Variants in EPB41 observed in about 807,000 individuals in gnomAD.
EPB41 encodes the protein protein 4.1.
Under a neutral mutation model 108.0 loss-of-function variants are expected in EPB41, and 65 were observed. The ratio of observed to expected loss-of-function variants is 0.60; its 90% CI spans 0.49 to 0.74. The LOEUF is 0.74. Ranked by LOEUF, EPB41 falls within the 30% of genes least tolerant of loss-of-function variation. EPB41 has a pLI of 0.00. For synonymous variants in EPB41, 336 were observed against 358.9 expected (o/e 0.94, Z 0.72); for missense variants, 875 against 1,037.0 (o/e 0.84, Z 2.15).
rs770712506 is a variant in EPB41 at position 29,015,719 on chromosome 1, T to G, written c.857T>G (p.Val286Gly). The change falls in exon 6 of 21, where the codon GTA becomes GGA. Residue 286 changes from valine (V) to glycine (G), a missense_variant. Coordinates refer to ENST00000343067, the MANE Select transcript of EPB41 (RefSeq NM_001376013.1). ...GTCCCTTGGAATTTTACATTTAATG[T>G]AAAGTTTTATCCACCTGACCCAGCA... Reference protein sequence around the residue: ...RGVPWNFTFNVKFYPPDPAQL... With the variant: ...RGVPWNFTFNGKFYPPDPAQL... The G allele has an allele frequency of 6.2e-7, 1 of 1,609,722 alleles. No individual in the cohort carries two copies. The highest frequency in any genetic ancestry group is 1.3e-5 in the African/African-American group (1 of 74,856).
At chr1:29,011,793 G>C (rs2096506123) in intron 4 of EPB41, 72 bp from the exon 5 acceptor site, 1 of 1,526,074 alleles carries the variant, frequency 6.6e-7, no homozygotes, top group South Asian at 1.2e-5. Flanking sequence ...GATAGTCAGT[G>C]ATCTTGCTTC....
chr1:29,099,593 G>T (rs1664557396), intron 17 of EPB41, among the ~76,000 whole-genome samples: 1 of 152,116 alleles, frequency 6.6e-6, no homozygotes, highest in African/African-American at 2.4e-5. Context: ...GTGCCACTAT[G>T]CCCTGCTAAA....
chr1:29,114,503 C>T (rs186904655), intron 19 of EPB41, among the ~76,000 whole-genome samples: 60 of 152,150 alleles, frequency 3.9e-4, no homozygotes, highest in Admixed American at 1.4e-3. Flanking sequence ...ATTAGCCAGA[C>T]GTGGTCACGG....
chr1:29,104,179 T>G (rs1391416152), intron 17 of EPB41, among the ~76,000 whole-genome samples: 1 of 152,236 alleles, frequency 6.6e-6, no homozygotes, highest in Non-Finnish European at 1.5e-5. Context: ...AATGAATTAA[T>G]GCACATAAAT....
At chr1:28,965,780 C>T (rs1378244340) in intron 1 of EPB41, among the ~76,000 whole-genome samples, 3 of 152,158 alleles carry the variant, frequency 2.0e-5, no homozygotes, top group African/African-American at 7.2e-5. Flanking sequence ...TTAGAGACTA[C>T]ACTAGAAAGG....
intron 17 of EPB41, among the ~76,000 whole-genome samples, chr1:29,100,053 GAGAT>G (rs1389997461): frequency 6.6e-6 from 1 of 152,176 alleles, no homozygotes; most frequent in African/African-American, 2.4e-5. Flanking sequence ...TGATGGGAAA[GAGAT>G]AGCCATGTGA....
chr1:28,987,435 A>T lies in EPB41; in HGVS notation c.-3A>T, dbSNP rs747028341. On this transcript the variant is annotated 5_prime_UTR_variant, in exon 2 of 21. Coordinates refer to ENST00000343067, the MANE Select transcript of EPB41 (RefSeq NM_001376013.1). ...TTTCTATCTTCTTTTTAATAGCAAC[A>T]TCATGACAACAGAGAAGAGTTTAGT... is the stretch of plus-strand genomic sequence containing the variant. 3 of 1,614,072 alleles carry T rather than the reference A, an allele frequency of 1.9e-6. No individual in the cohort carries two copies. The highest frequency in any genetic ancestry group is 1.7e-5 in the Admixed American group (1 of 60,028).
rs570939878 is a variant in EPB41, at chr1:29,081,440, C to T, written c.2184+16282C>T. ...AGAGCTTGTTCCTGTAATGTGAAAT[C>T]GACAGAAGGTATATCACTTTATCTC... is the stretch of plus-strand genomic sequence containing the variant. On this transcript the variant is annotated intron_variant, in intron 16 of 20. Coordinates refer to ENST00000343067, the MANE Select transcript of EPB41 (RefSeq NM_001376013.1). Among the ~76,000 whole-genome samples, 5 of 152,156 alleles carry T rather than the reference C, an allele frequency of 3.3e-5. No homozygotes were observed. In the South Asian group the frequency reaches 6.2e-4, roughly 19 times the overall value.
intron 1 of EPB41, among the ~76,000 whole-genome samples, chr1:28,984,873 G>A (rs1282444937): frequency 6.6e-6 from 1 of 152,044 alleles, no homozygotes; most frequent in African/African-American, 2.4e-5. Flanking sequence ...TGCCCAAGCT[G>A]GTCTTGAACT....
At chr1:28,986,076 C>T (rs7554667) in intron 1 of EPB41, among the ~76,000 whole-genome samples, 18,137 of 144,966 alleles carry the variant, frequency 0.13, 1,529 homozygotes, top group African/African-American at 0.25. Flanking sequence ...TGAGAATATG[C>T]GGTGTTTGGT....
chr1:28,977,230 A>C (rs1167249933), intron 1 of EPB41, among the ~76,000 whole-genome samples: 1 of 152,174 alleles, frequency 6.6e-6, no homozygotes, highest in East Asian at 1.9e-4. Flanking sequence ...TTCATCCCTA[A>C]ATGGTGATTA....
At chr1:29,002,834 C>G (rs1297438702) in intron 4 of EPB41, among the ~76,000 whole-genome samples, 2 of 152,096 alleles carry the variant, frequency 1.3e-5, no homozygotes, top group African/African-American at 4.8e-5. Flanking sequence ...ATAAGGAAAC[C>G]AAGTAATAGG....
In EPB41 at chr1:29,039,239, C is replaced by A; in HGVS notation, c.1464-15C>A. ...TGAATATATAATAATATGACTATTA[C>A]GATTTTCCCCCCAGATTGACATCTA... On this transcript the variant is annotated splice_polypyrimidine_tract_variant and intron_variant, in intron 10 of 20. Coordinates refer to ENST00000343067, the MANE Select transcript of EPB41 (RefSeq NM_001376013.1). 3 of 1,612,242 alleles carry A rather than the reference C, an allele frequency of 1.9e-6. No homozygotes were observed. The highest frequency in any genetic ancestry group is 1.7e-6 in the Non-Finnish European group (2 of 1,178,640).
At chr1:28,926,932 C>A (rs1336752372) in intron 1 of EPB41, among the ~76,000 whole-genome samples, 2 of 152,222 alleles carry the variant, frequency 1.3e-5, no homozygotes, top group African/African-American at 4.8e-5. Flanking sequence ...TATACTGTAA[C>A]ATTTTTATGC....
At chr1:28,992,375 T>C (rs2096045585) in intron 2 of EPB41, among the ~76,000 whole-genome samples, 1 of 152,138 alleles carries the variant, frequency 6.6e-6, no homozygotes, top group South Asian at 2.1e-4. Flanking sequence ...GGTAGTTTTG[T>C]TGTGTTGAAA....
intron 16 of EPB41, among the ~76,000 whole-genome samples, chr1:29,082,519 A>G (rs752311139): frequency 9.9e-5 from 15 of 152,174 alleles, no homozygotes; most frequent in Non-Finnish European, 1.8e-4. Context: ...ATCCAGCCAA[A>G]CAAATTCAAT....
At chr1:29,015,657 A>G (rs1261317636) in intron 5 of EPB41, 35 bp from the exon 6 acceptor site, 4 of 1,292,386 alleles carry the variant, frequency 3.1e-6, no homozygotes, top group South Asian at 2.4e-5. Context: ...AAACTTAGGT[A>G]TAAACGTAAA....
chr1:28,949,785 G>A lies in EPB41; in HGVS notation c.-8+35017G>A, dbSNP rs938198462. On this transcript the variant is annotated intron_variant, in intron 1 of 20. Transcript: ENST00000343067. The stretch of plus-strand genomic sequence containing the variant: ...CACCCAGATAATTTTTGTATTTTTA[G>A]TAGAGACGAGGTTCTACCATATTGG... Among the ~76,000 whole-genome samples the A allele has an allele frequency of 2.0e-5, 3 of 151,858 alleles. No individual in the cohort carries two copies. In the East Asian group the frequency reaches 5.8e-4, roughly 29 times the overall value.
chr1:28,944,821 T>C (rs973800310), intron 1 of EPB41, among the ~76,000 whole-genome samples: 1 of 151,176 alleles, frequency 6.6e-6, no homozygotes, highest in East Asian at 2.0e-4. Context: ...AGGTGTGTAA[T>C]GTAATGCCTG....
Sources: gnomAD v4.1 joint callset for allele counts (sites outside exome capture counted in the v4.1 genomes callset) on GRCh38, gnomAD v4.1.1 for gene constraint, MANE v1.5 for transcripts, NCBI Gene and HGNC (gene_info 2026-07-23, HGNC 2026-07-21) for gene names.